Variants in ARHGAP8 observed in about 807,000 individuals in gnomAD.
The protein encoded by ARHGAP8 is rho GTPase-activating protein 8.
Under a neutral mutation model 46.1 loss-of-function variants are expected in ARHGAP8, and 62 were observed. That is an observed-to-expected ratio of 1.34 (90% CI 1.10 to 1.66). The LOEUF is 1.66. ARHGAP8 is among the 40% of genes most tolerant of loss of function. The pLI is 0.00. For missense variants in ARHGAP8, 923 were observed against 568.4 expected, an observed-to-expected ratio of 1.62 and a Z score of -6.34; for synonymous variants, 375 against 243.1, an observed-to-expected ratio of 1.54 and a Z score of -5.05.
chr22:44,808,279 A>G, intron 3 of ARHGAP8, 28 bp from the exon 4 acceptor site: 2 of 1,599,192 alleles, frequency 1.3e-6, no homozygotes, highest in African/African-American at 1.3e-5. Flanking sequence ...GGTGATTTTC[A>G]TAACTGAATC....
chr22:44,798,479 G>A (rs1356585589), intron 2 of ARHGAP8, among the ~76,000 whole-genome samples: 2 of 151,572 alleles, frequency 1.3e-5, no homozygotes, highest in African/African-American at 4.8e-5. Flanking sequence ...AATTAGATCT[G>A]CAGTGACCCT....
intron 2 of ARHGAP8, among the ~76,000 whole-genome samples, chr22:44,795,565 C>T (rs1488680345): frequency 1.3e-5 from 2 of 152,138 alleles, no homozygotes; most frequent in Admixed American, 6.5e-5. Flanking sequence ...GCAATAGGCA[C>T]TGGTGCGCTG....
intron 1 of ARHGAP8, among the ~76,000 whole-genome samples, chr22:44,779,276 T>G (rs1177339650): frequency 1.3e-5 from 2 of 151,878 alleles, no homozygotes; most frequent in Non-Finnish European, 2.9e-5. Flanking sequence ...AATTTTTGTA[T>G]TTTTAGTAGA....
At chr22:44,844,706 G>A (rs1250561008) in intron 7 of ARHGAP8, among the ~76,000 whole-genome samples, 4 of 152,108 alleles carry the variant, frequency 2.6e-5, no homozygotes, top group African/African-American at 9.7e-5. Context: ...CAAGTGATCC[G>A]CCTGCCTTGG....
At chr22:44,828,425 A>ATTTTTTTTTTTTTTTTTTTTTTTT in intron 7 of ARHGAP8, among the ~76,000 whole-genome samples, 1 of 118,284 alleles carries the variant, frequency 8.5e-6, no homozygotes, top group African/African-American at 3.2e-5. Flanking sequence ...GCAGACCAGA[A>ATTTTTTTTTTTTTTTTTTTTTTTT]TTTTTTTTTT....
intron 2 of ARHGAP8, among the ~76,000 whole-genome samples, chr22:44,797,722 C>T (rs537947536): frequency 2.2e-4 from 33 of 152,286 alleles, no homozygotes; most frequent in African/African-American, 7.0e-4. Context: ...GCAGCCAGGG[C>T]GGGGACATCA....
chr22:44,791,429 C>T (rs5766023), intron 2 of ARHGAP8, among the ~76,000 whole-genome samples: 67,459 of 151,876 alleles, frequency 0.44, 15,323 homozygotes, highest in East Asian at 0.52. Flanking sequence ...CTTCGCCGGG[C>T]GCAGTGGCTC....
At chr22:44,823,129 T>C (rs1208171472) in intron 6 of ARHGAP8, among the ~76,000 whole-genome samples, 1 of 152,200 alleles carries the variant, frequency 6.6e-6, no homozygotes, top group East Asian at 1.9e-4. Context: ...GCAGGGGTAA[T>C]GGAGATAATA....
intron 5 of ARHGAP8, among the ~76,000 whole-genome samples, chr22:44,819,078 C>T (rs1221571819): frequency 6.6e-6 from 1 of 151,248 alleles, no homozygotes; most frequent in South Asian, 2.1e-4. Context: ...TGTTTTGTTT[C>T]ATTGCTTTGA....
intron 4 of ARHGAP8, among the ~76,000 whole-genome samples, chr22:44,813,304 T>TAC (rs1929472822): frequency 1.3e-5 from 2 of 151,128 alleles, no homozygotes; most frequent in African/African-American, 4.9e-5. Flanking sequence ...CTGGATACAG[T>TAC]ACATACACCT....
intron 3 of ARHGAP8, among the ~76,000 whole-genome samples, chr22:44,808,079 C>T (rs902302091): frequency 2.0e-5 from 3 of 152,202 alleles, no homozygotes; most frequent in African/African-American, 7.2e-5. Flanking sequence ...ACAATCTGGC[C>T]TACCACATCC....
At chr22:44,855,666 A>T (rs576623406) in intron 10 of ARHGAP8, among the ~76,000 whole-genome samples, 2 of 152,070 alleles carry the variant, frequency 1.3e-5, no homozygotes, top group Non-Finnish European at 2.9e-5. Flanking sequence ...ACCTAATCCA[A>T]TGTAACTCGA....
chr22:44,787,648 C>T (rs956409483), intron 2 of ARHGAP8, among the ~76,000 whole-genome samples: 1 of 152,074 alleles, frequency 6.6e-6, no homozygotes, highest in African/African-American at 2.4e-5. Context: ...CCCGGCCTTG[C>T]ATTGCTTTAA....
At chr22:44,814,555 T>A (rs1017694809) in intron 4 of ARHGAP8, 117 bp from the exon 5 acceptor site, 1 of 829,536 alleles carries the variant, frequency 1.2e-6, no homozygotes. Context: ...AAATTGATCC[T>A]GTTGAGAGGA....
intron 11 of ARHGAP8, among the ~76,000 whole-genome samples, chr22:44,861,693 A>G (rs2070493628): frequency 6.6e-6 from 1 of 152,136 alleles, no homozygotes; most frequent in Non-Finnish European, 1.5e-5. Flanking sequence ...GCCCCCTGCC[A>G]CTGGCTGGCC....
Position 44,810,507 on chromosome 22 carries a change from C to G in ARHGAP8, c.299+2069C>G, listed in dbSNP as rs5766047. On this transcript the variant is annotated intron_variant, in intron 4 of 11. Coordinates refer to ENST00000356099, the MANE Select transcript of ARHGAP8 (RefSeq NM_181335.3). ...CGCCTGCCTTGGCCTCCCAAAGTGCCGGGATTACAGGCGTGAGCCACTGTG... is the reference window on the plus strand; with the variant it reads ...CGCCTGCCTTGGCCTCCCAAAGTGCGGGGATTACAGGCGTGAGCCACTGTG... Among the ~76,000 whole-genome samples the G allele has an allele frequency of 9.2e-5, 14 of 151,912 alleles. No homozygotes were observed. In the South Asian group the frequency reaches 2.9e-3, roughly 32 times the overall value.
Position 44,825,535 on chromosome 22 carries a change from A to G in ARHGAP8, c.538A>G (p.Lys180Glu), listed in dbSNP as rs369911894. The change falls in exon 7 of 12, where the codon AAG (lysine) becomes GAG (glutamate). Residue 180 changes from lysine (K) to glutamate (E), a missense_variant. Lys to Glu is a moderately conservative substitution (Grantham distance 56). Coordinates refer to ENST00000356099, the MANE Select transcript of ARHGAP8 (RefSeq NM_181335.3). ...CGAGGGCCGGACGCCGCCTCCCACC[A>G]AGACACCACCGCCGCGGCCCCCGCT... Reference protein sequence around the residue: ...LHEGRTPPPTKTPPPRPPLPT... With the variant: ...LHEGRTPPPTETPPPRPPLPT... 3.1e-6 allele frequency: 5 copies of G among 1,612,556 alleles called. No homozygotes were observed. In the African/African-American group the frequency reaches 5.4e-5, roughly 17 times the overall value.
chr22:44,819,693 C>A (rs1324611310), intron 5 of ARHGAP8, among the ~76,000 whole-genome samples: 2 of 152,230 alleles, frequency 1.3e-5, no homozygotes, highest in Admixed American at 6.5e-5. Context: ...AAAAAAAAAT[C>A]TTTTAAAACT....
chr22:44,765,577 G>A (rs944841104), intron 1 of ARHGAP8, among the ~76,000 whole-genome samples: 2 of 152,244 alleles, frequency 1.3e-5, no homozygotes, highest in East Asian at 1.9e-4. Flanking sequence ...GTCTGTCCCC[G>A]GCTGGAAGCT....
Sources: allele counts gnomAD v4.1 joint callset (sites outside exome capture counted in the v4.1 genomes callset), GRCh38; gene constraint gnomAD v4.1.1; transcripts MANE v1.5; gene names NCBI Gene and HGNC (gene_info 2026-07-23, HGNC 2026-07-21).